CAMTA1: variants seen among roughly 807,000 people sequenced by gnomAD.
CAMTA1 encodes calmodulin-binding transcription activator 1.
Under a neutral mutation model 170.9 loss-of-function variants are expected in CAMTA1, and 27 were observed. That is an observed-to-expected ratio of 0.16 (90% CI 0.12 to 0.22). The LOEUF (loss-of-function observed/expected upper bound fraction) is 0.22, where lower values mean the gene tolerates loss of function less well. Among genes scored for constraint, CAMTA1 ranks in the 10% least tolerant of loss-of-function variants. The probability of loss-of-function intolerance (pLI) is 1.00; values close to 1 mark genes in which losing one functional copy is unlikely to be tolerated. For missense variants in CAMTA1, 1,619 were observed against 2,217.2 expected (o/e 0.73, Z 5.42); for synonymous variants, 833 against 891.5 (o/e 0.93, Z 1.17).
At position 7,116,734 on chromosome 1, in the gene CAMTA1, G is replaced by A. The variant is rs146854147; in HGVS notation, c.302+25363G>A. Among the ~76,000 whole-genome samples the A allele has an allele frequency of 8.7e-4, 124 of 143,090 alleles. 1 individual carries two copies. The East Asian group carries it at 0.022, about 26-fold the overall frequency. 93.9% of individuals were successfully genotyped at this position (143,090 alleles called of 152,430 possible). A position where few individuals can be genotyped will look rare whatever the true frequency, so the allele number is the denominator to read the frequency against. ...ACGATCTCGGCTCACTGCAAGCTCC[G>A]CCTTCCGGGTTCACGCCATTCTTCT... is the stretch of plus-strand genomic sequence containing the variant. On this transcript the variant is annotated intron_variant, in intron 4 of 22. Coordinates refer to ENST00000303635, the MANE Select transcript of CAMTA1 (RefSeq NM_015215.4).
intron 4 of CAMTA1, among the ~76,000 whole-genome samples, chr1:7,118,351 G>GGT (rs1644457369): frequency 1.4e-5 from 2 of 146,646 alleles, no homozygotes; most frequent in African/African-American, 5.1e-5. Context: ...GGAGTGCAGT[G>GGT]GTGCAGTCTT....
intron 4 of CAMTA1, among the ~76,000 whole-genome samples, chr1:7,178,844 G>GGA (rs1345846308): frequency 6.6e-6 from 1 of 152,148 alleles, no homozygotes; most frequent in Non-Finnish European, 1.5e-5. Flanking sequence ...ACAACCTCAG[G>GGA]GATTTCCTTG....
intron 5 of CAMTA1, among the ~76,000 whole-genome samples, chr1:7,460,081 G>T (rs1177603159): frequency 6.6e-6 from 1 of 152,240 alleles, no homozygotes; most frequent in African/African-American, 2.4e-5. Flanking sequence ...CTCACTGTGG[G>T]TCCCTTAGGG....
chr1:7,747,907 T>G (rs1251887682), intron 19 of CAMTA1, 126 bp downstream of exon 19: 13 of 32,378 alleles, frequency 4.0e-4, no homozygotes, highest in Middle Eastern at 5.6e-3. Context: ...TTTTTGGTTG[T>G]TTTTTTTTTT....
intron 6 of CAMTA1, among the ~76,000 whole-genome samples, chr1:7,574,382 G>T (rs2095164505): frequency 6.6e-6 from 1 of 152,216 alleles, no homozygotes; most frequent in Non-Finnish European, 1.5e-5. Flanking sequence ...CCATCAGGGA[G>T]CCCTGGCAAG....
At chr1:6,867,223 C>CTTCT (rs1278874704) in intron 3 of CAMTA1, among the ~76,000 whole-genome samples, 1 of 152,124 alleles carries the variant, frequency 6.6e-6, no homozygotes, top group African/African-American at 2.4e-5. Flanking sequence ...TCTGCCCACC[C>CTTCT]TTCTCCTCCT....
At chr1:7,593,778 A>C (rs935237797) in intron 6 of CAMTA1, among the ~76,000 whole-genome samples, 5 of 146,154 alleles carry the variant, frequency 3.4e-5, no homozygotes, top group African/African-American at 1.2e-4. Context: ...GGCGTGAACC[A>C]CTGTACCTGG....
At chr1:7,243,682 T>G (rs1341586750) in intron 4 of CAMTA1, among the ~76,000 whole-genome samples, 1 of 152,234 alleles carries the variant, frequency 6.6e-6, no homozygotes, top group African/African-American at 2.4e-5. Flanking sequence ...GCTTTGTTCT[T>G]TTGGCTTAGG....
At chr1:6,812,468 T>A (rs1645289067) in intron 1 of CAMTA1, among the ~76,000 whole-genome samples, 1 of 152,248 alleles carries the variant, frequency 6.6e-6, no homozygotes, top group South Asian at 2.1e-4. Flanking sequence ...TTTACAATGC[T>A]CTCTCTGAGG....
chr1:7,536,895 G>A (rs2094555595), intron 6 of CAMTA1, among the ~76,000 whole-genome samples: 1 of 152,112 alleles, frequency 6.6e-6, no homozygotes, highest in African/African-American at 2.4e-5. Context: ...CATCAACTCT[G>A]GTGGCTCCTG....
intron 4 of CAMTA1, among the ~76,000 whole-genome samples, chr1:7,193,852 C>G (rs1021722386): frequency 1.3e-5 from 2 of 152,182 alleles, no homozygotes; most frequent in Admixed American, 1.3e-4. Flanking sequence ...ACAGAAGAGG[C>G]TGACGGCCCG....
At chr1:6,927,345 T>G (rs2412219) in intron 3 of CAMTA1, among the ~76,000 whole-genome samples, 1 of 152,014 alleles carries the variant, frequency 6.6e-6, no homozygotes, top group Non-Finnish European at 1.5e-5. Flanking sequence ...CTCAGTGATT[T>G]TTTTTCCTGA....
intron 5 of CAMTA1, among the ~76,000 whole-genome samples, chr1:7,351,903 G>A (rs2084703285): frequency 6.6e-6 from 1 of 152,244 alleles, no homozygotes; most frequent in Non-Finnish European, 1.5e-5. Flanking sequence ...GGAAGGCAGC[G>A]CTGAGAGCAC....
chr1:7,767,863 C>T lies in CAMTA1; in HGVS notation c.*1372C>T, dbSNP rs1005891978. 2.1e-5 allele frequency: 3 copies of T among 143,410 alleles called. No homozygotes were observed. The highest frequency in any genetic ancestry group is 4.5e-5 in the Non-Finnish European group (3 of 66,098). 8.9% of individuals were successfully genotyped at this position (143,410 alleles called of 1,614,324 possible). A position where few individuals can be genotyped will look rare whatever the true frequency, so the allele number is the denominator to read the frequency against. On this transcript the variant is annotated 3_prime_UTR_variant, in exon 23 of 23. Transcript: ENST00000303635. Reference sequence around the variant, plus strand: ...AACTGCAAAAAAAAAAAAAGAGCTACTGTATTTAGACTTAGGAAAAAAGGC... The same window carrying T: ...AACTGCAAAAAAAAAAAAAGAGCTATTGTATTTAGACTTAGGAAAAAAGGC...
chr1:7,291,970 A>G (rs181029992), intron 5 of CAMTA1, among the ~76,000 whole-genome samples: 1 of 152,328 alleles, frequency 6.6e-6, no homozygotes, highest in Admixed American at 6.5e-5. Flanking sequence ...TGCCCATCTT[A>G]AAGCTGGTGT....
chr1:6,838,103 T>A (rs1006089885), intron 3 of CAMTA1, among the ~76,000 whole-genome samples: 1 of 152,162 alleles, frequency 6.6e-6, no homozygotes, highest in East Asian at 1.9e-4. Context: ...GGACTGTTCA[T>A]TGAATGAATG....
At chr1:7,600,254 C>T (rs181990696) in intron 6 of CAMTA1, among the ~76,000 whole-genome samples, 18 of 152,246 alleles carry the variant, frequency 1.2e-4, no homozygotes, top group Admixed American at 4.6e-4. Flanking sequence ...TGTTGATTTG[C>T]GTATGTTGAA....
At chr1:6,991,939 T>C (rs1236105313) in intron 3 of CAMTA1, among the ~76,000 whole-genome samples, 3 of 152,258 alleles carry the variant, frequency 2.0e-5, no homozygotes, top group Non-Finnish European at 4.4e-5. Context: ...TGGCCTCAAG[T>C]GATCCGCCTG....
chr1:6,937,536 TTCACCACTTACCACTACCATCA>T, intron 3 of CAMTA1, among the ~76,000 whole-genome samples: 2 of 34,928 alleles, frequency 5.7e-5, no homozygotes, highest in Non-Finnish European at 5.3e-5. Context: ...ACCATCACCA[TTCACCACTTACCACTACCATCA>T]TCACCATTCA....
Sources: gnomAD v4.1 joint callset for allele counts (sites outside exome capture counted in the v4.1 genomes callset) on GRCh38, gnomAD v4.1.1 for gene constraint, MANE v1.5 for transcripts, NCBI Gene and HGNC (gene_info 2026-07-23, HGNC 2026-07-21) for gene names.